Variants in MACROD2 observed in about 807,000 individuals in gnomAD.
The protein encoded by MACROD2 is ADP-ribose glycohydrolase MACROD2.
A neutral mutation model predicts 70.4 loss-of-function variants in MACROD2; 36 were observed. The observed-to-expected ratio is 0.51, with a 90% CI of 0.39 to 0.68. The LOEUF (loss-of-function observed/expected upper bound fraction) is 0.68, where lower values mean the gene tolerates loss of function less well. MACROD2 is among the 30% of genes least tolerant of loss of function. The pLI, the probability that MACROD2 is intolerant of heterozygous loss-of-function variation, is 0.00. For synonymous variants in MACROD2, 172 were observed against 178.8 expected (o/e 0.96, Z 0.30); for missense variants, 496 against 538.4 (o/e 0.92, Z 0.78).
At chr20:14,677,837 T>C (rs1159874226) in intron 4 of MACROD2, among the ~76,000 whole-genome samples, 1 of 152,154 alleles carries the variant, frequency 6.6e-6, no homozygotes, top group Non-Finnish European at 1.5e-5. Context: ...GATTAAGGAC[T>C]CTGAGACATA....
chr20:15,983,769 T>C (rs2066435984), intron 13 of MACROD2, among the ~76,000 whole-genome samples: 1 of 152,194 alleles, frequency 6.6e-6, no homozygotes, highest in African/African-American at 2.4e-5. Flanking sequence ...ATCATAACAA[T>C]TGCTTTTGTT....
chr20:14,862,054 T>TATATATATTTATATAAAA (rs1568838875), intron 5 of MACROD2, among the ~76,000 whole-genome samples: 1 of 3,058 alleles, frequency 3.3e-4, no homozygotes, highest in African/African-American at 5.5e-4. Flanking sequence ...TATATATTTA[T>TATATATATTTATATAAAA]ATATATATAA....
chr20:15,794,811 TC>T (rs1256820010), intron 8 of MACROD2, among the ~76,000 whole-genome samples: 10 of 152,176 alleles, frequency 6.6e-5, no homozygotes, highest in Admixed American at 3.3e-4. Flanking sequence ...TTAACTGACA[TC>T]CGTAACAGAG....
intron 5 of MACROD2, among the ~76,000 whole-genome samples, chr20:14,885,292 T>G (rs2073660100): frequency 6.6e-6 from 1 of 152,172 alleles, no homozygotes; most frequent in Admixed American, 6.5e-5. Flanking sequence ...ACCCTAGAAA[T>G]ACATGTAATC....
At chr20:14,628,359 C>T (rs575987486) in intron 4 of MACROD2, among the ~76,000 whole-genome samples, 43 of 152,016 alleles carry the variant, frequency 2.8e-4, no homozygotes, top group African/African-American at 9.9e-4. Flanking sequence ...AGCTGAGAAA[C>T]GATGGCTGGA....
chr20:15,881,424 C>A (rs1421424323), intron 9 of MACROD2, among the ~76,000 whole-genome samples: 1 of 152,060 alleles, frequency 6.6e-6, no homozygotes. Context: ...AAACTGTCCT[C>A]ATGCACTAAG....
At position 15,186,677 on chromosome 20, in the gene MACROD2, T is replaced by A. The variant is rs181272314; in HGVS notation, c.419-43263T>A. The stretch of plus-strand genomic sequence containing the variant: ...CATGAAGTAGAATAGGAAAAAAAAA[T>A]TTTTATTGTTCACTAACTACTAACT... On this transcript the variant is annotated intron_variant, in intron 5 of 17. Coordinates refer to ENST00000684519, the MANE Select transcript of MACROD2 (RefSeq NM_001351661.2). 1.9e-3 allele frequency among the ~76,000 whole-genome samples: 284 copies of A among 152,066 alleles called. 2 individuals are homozygous for A. The highest frequency in any genetic ancestry group is 5.8e-3 in the African/African-American group (240 of 41,478).
chr20:15,073,991 A>C (rs2075638932), intron 5 of MACROD2, among the ~76,000 whole-genome samples: 1 of 152,208 alleles, frequency 6.6e-6, no homozygotes, highest in South Asian at 2.1e-4. Flanking sequence ...AGTCTGCTGA[A>C]ATACAATTTA....
At chr20:14,321,675 A>C (rs909674347) in intron 3 of MACROD2, among the ~76,000 whole-genome samples, 3 of 152,214 alleles carry the variant, frequency 2.0e-5, no homozygotes, top group Non-Finnish European at 2.9e-5. Context: ...TAGGGCATGT[A>C]GCTCTCTTTG....
chr20:14,178,319 A>G (rs2081279712), intron 3 of MACROD2, among the ~76,000 whole-genome samples: 2 of 152,224 alleles, frequency 1.3e-5, no homozygotes, highest in South Asian at 4.1e-4. Flanking sequence ...ACCCATAATC[A>G]TGTACAATCA....
chr20:15,784,531 C>A (rs1447330626), intron 8 of MACROD2, among the ~76,000 whole-genome samples: 1 of 152,092 alleles, frequency 6.6e-6, no homozygotes, highest in African/African-American at 2.4e-5. Context: ...TGCACAAGAG[C>A]TTTATTATAC....
At chr20:14,208,490 A>G (rs772113399) in intron 3 of MACROD2, among the ~76,000 whole-genome samples, 1 of 152,164 alleles carries the variant, frequency 6.6e-6, no homozygotes, top group Non-Finnish European at 1.5e-5. Flanking sequence ...CTCAGTTGTC[A>G]CAACTGAAGA....
At chr20:14,501,042 A>C (rs946053043) in intron 4 of MACROD2, among the ~76,000 whole-genome samples, 1 of 151,934 alleles carries the variant, frequency 6.6e-6, no homozygotes, top group African/African-American at 2.4e-5. Context: ...AAATGAAAAA[A>C]AAAAACAAAA....
intron 5 of MACROD2, among the ~76,000 whole-genome samples, chr20:15,048,169 A>G (rs1249425404): frequency 1.3e-5 from 2 of 149,928 alleles, no homozygotes; most frequent in African/African-American, 4.8e-5. Flanking sequence ...CCAGCTGCTC[A>G]GGAGACTGAA....
At chr20:14,132,473 C>T (rs553318373) in intron 3 of MACROD2, among the ~76,000 whole-genome samples, 30 of 152,264 alleles carry the variant, frequency 2.0e-4, no homozygotes, top group African/African-American at 5.8e-4. Flanking sequence ...AGAGACAGAG[C>T]ACTTTACAAG....
chr20:15,555,828 CAAAAAAAAA>C (rs397838341), intron 8 of MACROD2, among the ~76,000 whole-genome samples: 26 of 18,566 alleles, frequency 1.4e-3, no homozygotes, highest in Admixed American at 8.2e-3. Context: ...GACTCCATCT[CAAAAAAAAA>C]AAAAAAAAAA....
At chr20:14,505,460 TA>T (rs2084958357) in intron 4 of MACROD2, among the ~76,000 whole-genome samples, 2 of 152,228 alleles carry the variant, frequency 1.3e-5, no homozygotes, top group African/African-American at 2.4e-5. Flanking sequence ...ATTCATCCTT[TA>T]AAAAATAATA....
chr20:15,073,773 T>G (rs945147177), intron 5 of MACROD2, among the ~76,000 whole-genome samples: 2 of 152,104 alleles, frequency 1.3e-5, no homozygotes, highest in African/African-American at 4.8e-5. Context: ...TTTTAAAGAG[T>G]ATTTAATTCA....
chr20:14,779,299 A>T (rs1050434477), intron 5 of MACROD2, among the ~76,000 whole-genome samples: 12 of 152,124 alleles, frequency 7.9e-5, no homozygotes, highest in African/African-American at 2.9e-4. Flanking sequence ...CTGTGTAAAA[A>T]TTCAGATTTT....
Sources: allele counts gnomAD v4.1 joint callset (sites outside exome capture counted in the v4.1 genomes callset), GRCh38; gene constraint gnomAD v4.1.1; transcripts MANE v1.5; gene names NCBI Gene and HGNC (gene_info 2026-07-23, HGNC 2026-07-21).